ABCC4: variants seen among roughly 807,000 people sequenced by gnomAD.
The protein encoded by ABCC4 is ATP-binding cassette sub-family C member 4.
Under a neutral mutation model 168.5 loss-of-function variants are expected in ABCC4, and 102 were observed. The ratio of observed to expected loss-of-function variants is 0.61; its 90% CI spans 0.52 to 0.71. The LOEUF (loss-of-function observed/expected upper bound fraction) is 0.71, where lower values mean the gene tolerates loss of function less well. Ranked by LOEUF, ABCC4 falls within the 30% of genes least tolerant of loss-of-function variation. The pLI is 0.00. For synonymous variants in ABCC4, 617 were observed against 590.7 expected (o/e 1.04, Z -0.65); for missense variants, 1,402 against 1,605.8 (o/e 0.87, Z 2.17).
chr13:95,063,714 C>T (rs1160104229), intron 25 of ABCC4, among the ~76,000 whole-genome samples: 3 of 152,192 alleles, frequency 2.0e-5, no homozygotes, highest in African/African-American at 7.2e-5. Flanking sequence ...AAATGAAGTG[C>T]ACTGCCAATA....
intron 19 of ABCC4, among the ~76,000 whole-genome samples, chr13:95,145,618 A>T (rs2036467686): frequency 7.5e-6 from 1 of 132,974 alleles, no homozygotes; most frequent in Non-Finnish European, 1.7e-5. Flanking sequence ...CCCATCTCCA[A>T]AAAAAAAAAA....
intron 1 of ABCC4, among the ~76,000 whole-genome samples, chr13:95,290,997 C>CAA (rs762030761): frequency 2.7e-5 from 1 of 36,424 alleles, no homozygotes; most frequent in Non-Finnish European, 5.7e-5. Flanking sequence ...GACCCTGTCT[C>CAA]AAAAAAAAAA....
At chr13:95,179,327 C>T (rs1193667137) in intron 11 of ABCC4, among the ~76,000 whole-genome samples, 1 of 152,014 alleles carries the variant, frequency 6.6e-6, no homozygotes, top group East Asian at 1.9e-4. Flanking sequence ...AAAGAGCAGC[C>T]CAGTCAGGAA....
intron 1 of ABCC4, among the ~76,000 whole-genome samples, chr13:95,271,604 G>C (rs2040849086): frequency 6.6e-6 from 1 of 152,176 alleles, no homozygotes; most frequent in South Asian, 2.1e-4. Flanking sequence ...CACAATGTTT[G>C]TCCAAAAATT....
At chr13:95,270,498 A>T (rs912744260) in intron 1 of ABCC4, among the ~76,000 whole-genome samples, 1 of 152,086 alleles carries the variant, frequency 6.6e-6, no homozygotes, top group African/African-American at 2.4e-5. Flanking sequence ...CATTCCTGGC[A>T]CAGGGTTTGA....
At chr13:95,274,664 G>A (rs1258568988) in intron 1 of ABCC4, among the ~76,000 whole-genome samples, 2 of 152,142 alleles carry the variant, frequency 1.3e-5, no homozygotes, top group East Asian at 3.9e-4. Flanking sequence ...TCCCCATGTG[G>A]CCCTGCAGGG....
At chr13:95,286,755 G>A (rs1053809150) in intron 1 of ABCC4, among the ~76,000 whole-genome samples, 1 of 151,752 alleles carries the variant, frequency 6.6e-6, no homozygotes, top group Non-Finnish European at 1.5e-5. Context: ...TCAGGAGTTC[G>A]AGACCAGCCT....
chr13:95,049,073 C>T (rs574779348), intron 27 of ABCC4, among the ~76,000 whole-genome samples: 3 of 152,216 alleles, frequency 2.0e-5, no homozygotes, highest in Non-Finnish European at 4.4e-5. Flanking sequence ...GTGGCTCACG[C>T]CTGTAATCCC....
chr13:95,098,319 ATAAAT>A (rs1394861191), intron 20 of ABCC4, among the ~76,000 whole-genome samples: 2 of 152,150 alleles, frequency 1.3e-5, no homozygotes, highest in African/African-American at 4.8e-5. Flanking sequence ...AAAGAAAAAG[ATAAAT>A]TAAATCAATG....
intron 11 of ABCC4, among the ~76,000 whole-genome samples, chr13:95,186,269 A>G (rs2766474): frequency 0.85 from 128,717 of 152,040 alleles, 54,631 homozygotes; most frequent in Admixed American, 0.86. Context: ...AATTGAGGCC[A>G]AGGGTATGCA....
At chr13:95,034,412 C>G (rs2139222286) in intron 30 of ABCC4, among the ~76,000 whole-genome samples, 193 bp downstream of exon 30, 1 of 152,362 alleles carries the variant, frequency 6.6e-6, no homozygotes, top group Non-Finnish European at 1.5e-5. Flanking sequence ...CAACCCCTAC[C>G]CGCTTCTGCC....
At chr13:95,099,920 T>C (rs1227910324) in intron 20 of ABCC4, among the ~76,000 whole-genome samples, 1 of 152,154 alleles carries the variant, frequency 6.6e-6, no homozygotes, top group Non-Finnish European at 1.5e-5. Context: ...ATATAGAAAA[T>C]AGTGACTGCA....
chr13:95,120,564 C>A (rs1445941601), intron 19 of ABCC4, among the ~76,000 whole-genome samples: 1 of 84,928 alleles, frequency 1.2e-5, no homozygotes. Flanking sequence ...AACGAGACTC[C>A]GTCAAAAAAA....
Position 95,207,740 on chromosome 13 carries a change from TCAACAAGA to T in ABCC4, c.911+52_911+59del, listed in dbSNP as rs2038823141. 3 of 1,546,752 alleles carry T rather than the reference TCAACAAGA, an allele frequency of 1.9e-6. No homozygotes were observed. The Admixed American group carries it at 5.8e-5, about 30-fold the overall frequency. ...AAACATAGTAAAACTTCTAAAACCA[TCAACAAGA>T]ATAGCAAATAGAAAAATACAAAAAT... On this transcript the variant is annotated intron_variant, in intron 7 of 30. Coordinates refer to ENST00000645237, the MANE Select transcript of ABCC4 (RefSeq NM_005845.5).
chr13:95,040,155 G>A (rs549053673), intron 29 of ABCC4, among the ~76,000 whole-genome samples: 19 of 152,310 alleles, frequency 1.2e-4, no homozygotes, highest in African/African-American at 4.1e-4. Flanking sequence ...ACCTGGGGAA[G>A]ATGAAGGGTA....
At chr13:95,186,963 C>T (rs1024663007) in intron 10 of ABCC4, 71 bp from the exon 11 acceptor site, 3 of 1,336,906 alleles carry the variant, frequency 2.2e-6, no homozygotes, top group Middle Eastern at 2.2e-4. Flanking sequence ...GCAATGCAGC[C>T]TTGCCCAGCC....
At chr13:95,202,348 T>C (rs1315411393) in intron 8 of ABCC4, among the ~76,000 whole-genome samples, 1 of 152,200 alleles carries the variant, frequency 6.6e-6, no homozygotes, top group Non-Finnish European at 1.5e-5. Context: ...TCTCTCTGCA[T>C]GTACATACAC....
At chr13:95,294,653 G>A (rs1182835456) in intron 1 of ABCC4, among the ~76,000 whole-genome samples, 2 of 152,116 alleles carry the variant, frequency 1.3e-5, no homozygotes, top group Non-Finnish European at 2.9e-5. Flanking sequence ...ACAAGGTTGG[G>A]GTAGAAAACA....
At chr13:95,134,530 G>T (rs2036077576) in intron 19 of ABCC4, among the ~76,000 whole-genome samples, 1 of 152,098 alleles carries the variant, frequency 6.6e-6, no homozygotes, top group Non-Finnish European at 1.5e-5. Flanking sequence ...AGATCAGCCT[G>T]GACAACAGGG....
Sources: gnomAD v4.1 joint callset for allele counts (sites outside exome capture counted in the v4.1 genomes callset) on GRCh38, gnomAD v4.1.1 for gene constraint, MANE v1.5 for transcripts, NCBI Gene and HGNC (gene_info 2026-07-23, HGNC 2026-07-21) for gene names.